EPS15: variants seen among roughly 807,000 people sequenced by gnomAD.
The protein encoded by EPS15 is epidermal growth factor receptor pathway substrate 15.
A neutral mutation model predicts 113.8 loss-of-function variants in EPS15; 72 were observed. That is an observed-to-expected ratio of 0.63 (90% CI 0.52 to 0.77). The LOEUF (loss-of-function observed/expected upper bound fraction) is 0.77. Among genes scored for constraint, EPS15 ranks in the 30% least tolerant of loss-of-function variants. The probability of loss-of-function intolerance (pLI) is 0.00; values close to 1 mark genes in which losing one functional copy is unlikely to be tolerated. For synonymous variants in EPS15, 344 were observed against 363.4 expected (o/e 0.95, Z 0.61); for missense variants, 1,048 against 1,045.8 (o/e 1.00, Z -0.03).
intron 21 of EPS15, among the ~76,000 whole-genome samples, chr1:51,384,104 T>C (rs72694160): frequency 7.6e-4 from 116 of 152,240 alleles, no homozygotes; most frequent in Non-Finnish European, 1.3e-3. Flanking sequence ...AGACATCCCA[T>C]GTTCACAGAT....
chr1:51,362,099 A>C (rs1486043826), intron 23 of EPS15, among the ~76,000 whole-genome samples: 2 of 151,206 alleles, frequency 1.3e-5, no homozygotes, highest in Non-Finnish European at 3.0e-5. Flanking sequence ...TAATAAAAAT[A>C]GGGGTCAAAA....
intron 1 of EPS15, among the ~76,000 whole-genome samples, chr1:51,492,166 T>C (rs1040055802): frequency 2.0e-5 from 3 of 152,088 alleles, no homozygotes; most frequent in African/African-American, 4.8e-5. Flanking sequence ...AATAATTTAA[T>C]AGACATAAAC....
intron 10 of EPS15, 48 bp downstream of exon 10, chr1:51,446,912 T>C: frequency 6.8e-7 from 1 of 1,464,522 alleles, no homozygotes; most frequent in East Asian, 2.3e-5. Context: ...GAAACTGGAA[T>C]TGATACAAAA....
chr1:51,408,933 G>C (rs539991657), intron 14 of EPS15, among the ~76,000 whole-genome samples: 1 of 151,838 alleles, frequency 6.6e-6, no homozygotes, highest in African/African-American at 2.4e-5. Flanking sequence ...CCGAGTAGCT[G>C]GGACTACAGG....
At chr1:51,402,323 G>A in intron 18 of EPS15, 112 bp downstream of exon 18, 1 of 542,520 alleles carries the variant, frequency 1.8e-6, no homozygotes, top group Admixed American at 3.4e-5. Context: ...CTCCAGCCTG[G>A]GCGACAGACT....
intron 1 of EPS15, among the ~76,000 whole-genome samples, chr1:51,501,681 G>T (rs530286600): frequency 6.6e-6 from 1 of 152,096 alleles, no homozygotes; most frequent in East Asian, 2.0e-4. Flanking sequence ...GTTTCGCCTC[G>T]TTGGCCAGGC....
At chr1:51,482,420 G>A (rs971425727) in intron 1 of EPS15, among the ~76,000 whole-genome samples, 1 of 152,090 alleles carries the variant, frequency 6.6e-6, no homozygotes, top group African/African-American at 2.4e-5. Context: ...AGAGGGATAG[G>A]GAGATAAGAT....
intron 10 of EPS15, 54 bp downstream of exon 10, chr1:51,446,906 C>G: frequency 7.0e-7 from 1 of 1,421,594 alleles, no homozygotes; most frequent in Non-Finnish European, 9.6e-7. Flanking sequence ...AATGCAGAAA[C>G]TGGAATTGAT....
In EPS15 at chr1:51,499,350, AT is replaced by A. The variant is rs535240313; in HGVS notation, c.34-18037del. Among the ~76,000 whole-genome samples the A allele has an allele frequency of 7.0e-3, 1,066 of 151,402 alleles. 4 individuals are homozygous for A. Among genetic ancestry groups the A allele is most frequent in the Non-Finnish European group, 0.011 (743 of 67,750 alleles). On this transcript the variant is annotated intron_variant, in intron 1 of 24. Transcript: ENST00000371733. Reference sequence around the variant, plus strand: ...TCCTTTTCTTTTATGCATGCACCACATTTTTTTTTAATTCATTTAGCTCTTC... The same window carrying A: ...TCCTTTTCTTTTATGCATGCACCACATTTTTTTTAATTCATTTAGCTCTTC...
chr1:51,407,747 T>C (rs1004299432), intron 15 of EPS15, among the ~76,000 whole-genome samples: 4 of 152,352 alleles, frequency 2.6e-5, no homozygotes, highest in Admixed American at 2.0e-4. Context: ...CCAAGCACCA[T>C]GCTAAAATGT....
At chr1:51,451,836 T>G (rs1653591305) in intron 8 of EPS15, among the ~76,000 whole-genome samples, 1 of 152,146 alleles carries the variant, frequency 6.6e-6, no homozygotes, top group South Asian at 2.1e-4. Flanking sequence ...CAAACTAACT[T>G]GGAACCTCTA....
At chr1:51,492,592 A>G (rs985932357) in intron 1 of EPS15, among the ~76,000 whole-genome samples, 2 of 152,172 alleles carry the variant, frequency 1.3e-5, no homozygotes, top group African/African-American at 4.8e-5. Flanking sequence ...ATACAACTCA[A>G]TTTGATCAAA....
At chr1:51,400,001 T>C (rs190810903) in intron 19 of EPS15, among the ~76,000 whole-genome samples, 2 of 152,328 alleles carry the variant, frequency 1.3e-5, no homozygotes, top group African/African-American at 2.4e-5. Flanking sequence ...TAACATATAA[T>C]TTCAAGGGAT....
chr1:51,403,641 T>C (rs950766496), intron 16 of EPS15, 109 bp from the exon 17 acceptor site: 38 of 565,758 alleles, frequency 6.7e-5, no homozygotes, highest in South Asian at 5.5e-4. Flanking sequence ...ACAAGCAGAA[T>C]GTATTCATCA....
chr1:51,361,161 C>T lies in EPS15; in HGVS notation c.2544+10G>A. Reference sequence around the variant, plus strand: ...ATTTCTCCCCCAAACAGCTCATTCACAGTACTTACAGCACTGAAGTTGGCA... The same window carrying T: ...ATTTCTCCCCCAAACAGCTCATTCATAGTACTTACAGCACTGAAGTTGGCA... On this transcript the variant is annotated intron_variant, in intron 24 of 24. Transcript: ENST00000371733. 6.2e-7 allele frequency: 1 copy of T among 1,601,398 alleles called. No homozygotes were observed. Among genetic ancestry groups the T allele is most frequent in the Middle Eastern group, 1.7e-4 (1 of 6,018 alleles).
intron 12 of EPS15, chr1:51,423,384 C>CG (rs1557454597): frequency 2.0e-5 from 22 of 1,080,858 alleles, no homozygotes; most frequent in Non-Finnish European, 2.4e-5. Flanking sequence ...TACAAAAACA[C>CG]GGGGAAAAAT....
chr1:51,444,983 T>A lies in EPS15; in HGVS notation c.860A>T (p.His287Leu). 6.2e-7 allele frequency: 1 copy of A among 1,614,020 alleles called. No individual in the cohort carries two copies. The stretch of plus-strand genomic sequence containing the variant: ...CTTGATTAACTTCTGACTGATTAAG[T>A]GAAAAGCCAAGGCAAACTGATCCTT... ...LSKDQFALAF[H>L]LISQKLIKGI... The change falls in exon 11 of 25, where the codon CAC (histidine) becomes CTC (leucine). Residue 287 changes from histidine (H) to leucine (L), a missense_variant. Coordinates refer to ENST00000371733, the MANE Select transcript of EPS15 (RefSeq NM_001981.3).
intron 21 of EPS15, among the ~76,000 whole-genome samples, chr1:51,386,142 G>T (rs1647065183): frequency 6.6e-6 from 1 of 152,160 alleles, no homozygotes; most frequent in African/African-American, 2.4e-5. Context: ...AAGAGCAGCT[G>T]GCTCATTTTT....
intron 13 of EPS15, among the ~76,000 whole-genome samples, chr1:51,417,466 C>A (rs1249198981): frequency 6.6e-6 from 1 of 152,082 alleles, no homozygotes; most frequent in African/African-American, 2.4e-5. Context: ...AATATATTGC[C>A]AAATATAATG....
Sources: allele counts gnomAD v4.1 joint callset (sites outside exome capture counted in the v4.1 genomes callset), GRCh38; gene constraint gnomAD v4.1.1; transcripts MANE v1.5; gene names NCBI Gene and HGNC (gene_info 2026-07-23, HGNC 2026-07-21).